HS6ST3: variants seen among roughly 807,000 people sequenced by gnomAD.
The protein encoded by HS6ST3 is heparan-sulfate 6-O-sulfotransferase 3.
A neutral mutation model predicts 36.7 loss-of-function variants in HS6ST3; 12 were observed. The observed-to-expected ratio is 0.33, with a 90% CI of 0.21 to 0.53. HS6ST3 has a LOEUF of 0.53. Among genes scored for constraint, HS6ST3 ranks in the 20% least tolerant of loss-of-function variants. HS6ST3 has a pLI of 0.95. For synonymous variants in HS6ST3, 240 were observed against 257.5 expected (o/e 0.93, Z 0.65); for missense variants, 584 against 640.9 (o/e 0.91, Z 0.96).
chr13:96,809,996 C>T (rs1157032473), intron 1 of HS6ST3, among the ~76,000 whole-genome samples: 8 of 152,142 alleles, frequency 5.3e-5, no homozygotes, highest in African/African-American at 1.9e-4. Flanking sequence ...ATGCTAGCAC[C>T]AGGGTACAGG....
chr13:96,351,819 A>G (rs1306683147), intron 1 of HS6ST3, among the ~76,000 whole-genome samples: 5 of 152,268 alleles, frequency 3.3e-5, no homozygotes, highest in Non-Finnish European at 7.3e-5. Flanking sequence ...ATGATTGCCC[A>G]TCTGAAAAAT....
intron 1 of HS6ST3, among the ~76,000 whole-genome samples, chr13:96,728,250 C>T (rs932250211): frequency 1.3e-5 from 2 of 151,940 alleles, no homozygotes; most frequent in African/African-American, 4.8e-5. Flanking sequence ...GGGATTAGTT[C>T]CAGTTGGTAA....
At position 96,098,280 on chromosome 13, in the gene HS6ST3, T is replaced by C. The variant is rs1467851029; in HGVS notation, c.707+6711T>C. ...AGAGGATGTGAACTCTGATGTAGGATGGAAGGATGAGAGAGCTATATATTA... is the reference window on the plus strand; with the variant it reads ...AGAGGATGTGAACTCTGATGTAGGACGGAAGGATGAGAGAGCTATATATTA... On this transcript the variant is annotated intron_variant, in intron 1 of 1. Coordinates refer to ENST00000376705, the MANE Select transcript of HS6ST3 (RefSeq NM_153456.4). 3.3e-5 allele frequency among the ~76,000 whole-genome samples: 5 copies of C among 152,280 alleles called. No homozygotes were observed. In the East Asian group the frequency reaches 7.7e-4, roughly 24 times the overall value.
chr13:96,528,627 A>G (rs1346186113), intron 1 of HS6ST3, among the ~76,000 whole-genome samples: 1 of 152,224 alleles, frequency 6.6e-6, no homozygotes, highest in Non-Finnish European at 1.5e-5. Flanking sequence ...AAAGTTGACA[A>G]TGTATTTTAC....
chr13:96,149,220 C>G (rs774520105), intron 1 of HS6ST3, among the ~76,000 whole-genome samples: 1 of 152,112 alleles, frequency 6.6e-6, no homozygotes, highest in South Asian at 2.1e-4. Context: ...AAAAATAACA[C>G]CTTTTTGATA....
At chr13:96,318,974 A>C (rs2054990565) in intron 1 of HS6ST3, among the ~76,000 whole-genome samples, 1 of 152,328 alleles carries the variant, frequency 6.6e-6, no homozygotes, top group South Asian at 2.1e-4. Context: ...CCTTATTAAG[A>C]TATAGTTCAT....
chr13:96,831,225 A>C (rs1878773198), intron 1 of HS6ST3, among the ~76,000 whole-genome samples: 1 of 152,198 alleles, frequency 6.6e-6, no homozygotes, highest in South Asian at 2.1e-4. Flanking sequence ...GATTCTTCTA[A>C]AGATAACCAT....
chr13:96,217,155 A>G (rs915678210), intron 1 of HS6ST3, among the ~76,000 whole-genome samples: 1 of 152,202 alleles, frequency 6.6e-6, no homozygotes, highest in Non-Finnish European at 1.5e-5. Context: ...GGGTCCGGAA[A>G]GAAGCAACCT....
At chr13:96,293,158 G>C (rs2054838413) in intron 1 of HS6ST3, among the ~76,000 whole-genome samples, 2 of 152,076 alleles carry the variant, frequency 1.3e-5, no homozygotes, top group South Asian at 4.1e-4. Context: ...CAATAGGGTT[G>C]AATTAGGAGC....
intron 1 of HS6ST3, among the ~76,000 whole-genome samples, chr13:96,148,772 A>T (rs956201108): frequency 6.6e-6 from 1 of 152,234 alleles, no homozygotes; most frequent in African/African-American, 2.4e-5. Flanking sequence ...AGCTACACAG[A>T]GCTGCACATT....
intron 1 of HS6ST3, among the ~76,000 whole-genome samples, chr13:96,579,117 A>T (rs1246694078): frequency 6.6e-6 from 1 of 152,180 alleles, no homozygotes; most frequent in Non-Finnish European, 1.5e-5. Context: ...TGTAGGTGAG[A>T]TAGTATATAT....
At chr13:96,510,861 GT>G (rs923733153) in intron 1 of HS6ST3, among the ~76,000 whole-genome samples, 8 of 151,954 alleles carry the variant, frequency 5.3e-5, no homozygotes, top group African/African-American at 1.9e-4. Flanking sequence ...ATGTAGTGTT[GT>G]TTTTTTACAT....
chr13:96,580,931 A>T (rs534400637), intron 1 of HS6ST3, among the ~76,000 whole-genome samples: 1 of 152,302 alleles, frequency 6.6e-6, no homozygotes, highest in Non-Finnish European at 1.5e-5. Flanking sequence ...AGTAAGAAAA[A>T]AATAATGGAA....
intron 1 of HS6ST3, among the ~76,000 whole-genome samples, chr13:96,384,788 T>A (rs2055359183): frequency 6.6e-6 from 1 of 152,194 alleles, no homozygotes; most frequent in South Asian, 2.1e-4. Flanking sequence ...ATCCACTTAC[T>A]ACCCAAGCTC....
intron 1 of HS6ST3, among the ~76,000 whole-genome samples, chr13:96,690,816 A>G (rs575827402): frequency 7.9e-5 from 5 of 63,632 alleles, no homozygotes; most frequent in African/African-American, 2.3e-4. Context: ...ATATAAGGAA[A>G]TAATCTGAAT....
At chr13:96,104,251 C>T (rs1285764694) in intron 1 of HS6ST3, among the ~76,000 whole-genome samples, 1 of 152,154 alleles carries the variant, frequency 6.6e-6, no homozygotes, top group Non-Finnish European at 1.5e-5. Context: ...CTAAAGTTTG[C>T]ATTGCAATAA....
intron 1 of HS6ST3, among the ~76,000 whole-genome samples, chr13:96,299,962 C>T (rs562898518): frequency 3.8e-4 from 57 of 150,594 alleles, no homozygotes; most frequent in African/African-American, 1.1e-3. Context: ...CCTCAGAAAA[C>T]GTACAATCAT....
At chr13:96,722,825 A>G (rs558404176) in intron 1 of HS6ST3, among the ~76,000 whole-genome samples, 1 of 152,268 alleles carries the variant, frequency 6.6e-6, no homozygotes, top group African/African-American at 2.4e-5. Flanking sequence ...AAAAATACAA[A>G]AATTAGCTGG....
rs1002744922 is a variant in HS6ST3, at chr13:96,614,318, A to T, written c.708-218172A>T. Among the ~76,000 whole-genome samples the T allele has an allele frequency of 1.1e-3, 158 of 150,022 alleles. 3 individuals carry two copies. The highest frequency in any genetic ancestry group is 2.6e-3 in the Admixed American group (39 of 15,080). On this transcript the variant is annotated intron_variant, in intron 1 of 1. Coordinates refer to ENST00000376705, the MANE Select transcript of HS6ST3 (RefSeq NM_153456.4). The stretch of plus-strand genomic sequence containing the variant: ...ATCTCAAAAAAAAAAAAAAAAAAAA[A>T]AAAAAAAAAACAGTTATTACCAGAG...
Sources: allele counts gnomAD v4.1 joint callset (sites outside exome capture counted in the v4.1 genomes callset), GRCh38; gene constraint gnomAD v4.1.1; transcripts MANE v1.5; gene names NCBI Gene and HGNC (gene_info 2026-07-23, HGNC 2026-07-21).